Variants in CSMD2 observed in about 807,000 individuals in gnomAD.
CSMD2 encodes the protein CUB and Sushi multiple domains 2.
In CSMD2, 130 loss-of-function variants were observed where a neutral mutation model predicts 398.5. The ratio of observed to expected loss-of-function variants is 0.33; its 90% CI spans 0.28 to 0.38. The LOEUF is 0.38. Among genes scored for constraint, CSMD2 ranks in the 10% least tolerant of loss-of-function variants. The pLI is 1.00. For synonymous variants in CSMD2, 1,828 were observed against 1,908.5 expected, an observed-to-expected ratio of 0.96 and a Z score of 1.10; for missense variants, 3,829 against 4,764.9, an observed-to-expected ratio of 0.80 and a Z score of 5.78.
intron 54 of CSMD2, among the ~76,000 whole-genome samples, chr1:33,558,381 T>C (rs1658238868): frequency 6.6e-6 from 1 of 152,222 alleles, no homozygotes; most frequent in African/African-American, 2.4e-5. Context: ...TTTATGAGTA[T>C]TTCAGGGACA....
intron 66 of CSMD2, among the ~76,000 whole-genome samples, chr1:33,523,859 T>C (rs1432471315): frequency 2.0e-5 from 3 of 152,236 alleles, no homozygotes; most frequent in Non-Finnish European, 2.9e-5. Flanking sequence ...CACGTATGAA[T>C]GCGTAGATAG....
intron 13 of CSMD2, among the ~76,000 whole-genome samples, chr1:33,767,844 A>G (rs1346968810): frequency 6.6e-6 from 1 of 152,160 alleles, no homozygotes; most frequent in East Asian, 1.9e-4. Context: ...TTTTTATCCT[A>G]AGGCTTCCTT....
intron 10 of CSMD2, among the ~76,000 whole-genome samples, chr1:33,793,427 A>C (rs1280358926): frequency 1.3e-5 from 2 of 152,076 alleles, no homozygotes; most frequent in Admixed American, 6.5e-5. Context: ...GTCTGTTGCT[A>C]GCAGATCTAC....
At chr1:33,997,606 T>C (rs1646767438) in intron 3 of CSMD2, among the ~76,000 whole-genome samples, 2 of 152,220 alleles carry the variant, frequency 1.3e-5, no homozygotes, top group Non-Finnish European at 2.9e-5. Context: ...CCCATGCTGT[T>C]GCTTTTAGGT....
intron 12 of CSMD2, among the ~76,000 whole-genome samples, chr1:33,784,883 CG>C (rs758109829): frequency 6.6e-6 from 1 of 152,162 alleles, no homozygotes; most frequent in African/African-American, 2.4e-5. Context: ...TTGTACAAGT[CG>C]GGGAACTGAG....
intron 47 of CSMD2, among the ~76,000 whole-genome samples, chr1:33,581,567 A>G (rs867575786): frequency 2.0e-5 from 3 of 150,702 alleles, no homozygotes; most frequent in East Asian, 1.9e-4. Context: ...AAAGAAAAAA[A>G]GCTCAGTGCC....
At chr1:34,074,156 A>G (rs1656053547) in intron 2 of CSMD2, among the ~76,000 whole-genome samples, 1 of 152,228 alleles carries the variant, frequency 6.6e-6, no homozygotes, top group Admixed American at 6.5e-5. Context: ...TTACAATCCA[A>G]CACGAGATTT....
At chr1:33,749,044 A>G (rs1009489185) in intron 13 of CSMD2, among the ~76,000 whole-genome samples, 3 of 151,962 alleles carry the variant, frequency 2.0e-5, no homozygotes, top group Non-Finnish European at 4.4e-5. Flanking sequence ...CTCTTTCCAA[A>G]TAAGTTCCTG....
chr1:33,622,796 T>C (rs919293959), intron 36 of CSMD2, among the ~76,000 whole-genome samples: 2 of 152,214 alleles, frequency 1.3e-5, no homozygotes, highest in African/African-American at 4.8e-5. Flanking sequence ...AAGTTAAACA[T>C]AGAGTTCCCA....
intron 26 of CSMD2, among the ~76,000 whole-genome samples, chr1:33,661,724 C>G (rs143752863): frequency 1.9e-4 from 29 of 152,320 alleles, no homozygotes; most frequent in African/African-American, 4.3e-4. Context: ...CTGCTCCCCA[C>G]GCTGCTAAAT....
At chr1:33,961,068 C>T (rs924197406) in intron 3 of CSMD2, among the ~76,000 whole-genome samples, 6 of 152,238 alleles carry the variant, frequency 3.9e-5, no homozygotes, top group African/African-American at 9.6e-5. Flanking sequence ...TGCGCTACAG[C>T]GCATCAGCCC....
intron 6 of CSMD2, among the ~76,000 whole-genome samples, chr1:33,829,963 C>T (rs1659314751): frequency 6.6e-6 from 1 of 152,236 alleles, no homozygotes; most frequent in Admixed American, 6.5e-5. Context: ...GGGAGGGGCG[C>T]CCGCCATTGC....
chr1:33,542,938 G>A (rs1489279562), intron 57 of CSMD2, 42 bp from the exon 58 acceptor site: 1 of 1,574,718 alleles, frequency 6.4e-7, no homozygotes, highest in Non-Finnish European at 8.7e-7. Context: ...GAACAATGGT[G>A]GGTATCACCT....
chr1:33,624,734 T>C lies in CSMD2; in HGVS notation c.5501-91A>G, dbSNP rs974433636. 6.6e-7 allele frequency: 1 copy of C among 1,504,964 alleles called. No homozygotes were observed. The allele number at this position is 1,504,964 out of a possible 1,614,324, so 93.2% of individuals were successfully genotyped here. ...CCTCCCTCATGGCCCCCAGCCTCTG[T>C]TTGTCCTCCTCCCCATGGGGGTGTC... On this transcript the variant is annotated intron_variant, in intron 34 of 70. Coordinates refer to ENST00000373381, the MANE Select transcript of CSMD2 (RefSeq NM_001281956.2). This position sits in a 1 kb window ranked among gnomAD's most constrained non-coding sequence, Gnocchi z 4.7.
chr1:33,797,407 C>T (rs1251105434), intron 10 of CSMD2, among the ~76,000 whole-genome samples: 6 of 152,164 alleles, frequency 3.9e-5, no homozygotes, highest in Admixed American at 3.9e-4. Context: ...GGGCAGGTTC[C>T]CCCAATACAG....
intron 28 of CSMD2, among the ~76,000 whole-genome samples, chr1:33,651,307 C>G (rs983837879): frequency 1.3e-5 from 2 of 152,128 alleles, no homozygotes; most frequent in Admixed American, 6.6e-5. Flanking sequence ...TGGAAGAAGC[C>G]GTGAGAGCAG....
At chr1:33,929,610 G>A (rs1439831203) in intron 4 of CSMD2, among the ~76,000 whole-genome samples, 1 of 151,730 alleles carries the variant, frequency 6.6e-6, no homozygotes, top group Non-Finnish European at 1.5e-5. Context: ...GCTAATTTTT[G>A]TATTTTTAGT....
chr1:33,698,778 C>G lies in CSMD2; in HGVS notation c.3900G>C (p.Trp1300Cys). 2 of 1,613,380 alleles carry G rather than the reference C, an allele frequency of 1.2e-6. No homozygotes were observed. The highest frequency in any genetic ancestry group is 1.7e-6 in the Non-Finnish European group (2 of 1,179,630). Residue 1300 changes from tryptophan to cysteine, a missense_variant, in exon 24 of 71, where the codon TGG becomes TGC. Coordinates refer to ENST00000373381, the MANE Select transcript of CSMD2 (RefSeq NM_001281956.2). ...CGACACAGGTGGGCAGAGGCCGGTC[C>G]CAGGTCCGGCGCTCTCCACTCAGAC... ...LLCLSGERRT[W>C]DRPLPTCVAE...
intron 39 of CSMD2, 45 bp downstream of exon 39, chr1:33,616,861 A>G (rs1641425408): frequency 2.0e-6 from 3 of 1,494,094 alleles, no homozygotes; most frequent in Non-Finnish European, 2.8e-6. Context: ...AAGATCCCTG[A>G]GAGAAAATTG....
Sources: gnomAD v4.1 joint callset for allele counts (sites outside exome capture counted in the v4.1 genomes callset) on GRCh38, gnomAD v4.1.1 for gene constraint, Gnocchi (gnomAD v3.1) non-coding constraint, MANE v1.5 for transcripts, NCBI Gene and HGNC (gene_info 2026-07-23, HGNC 2026-07-21) for gene names.